The following TBC1D2 variants were observed in gnomAD, a reference collection of about 807,000 sequenced individuals.
TBC1D2 encodes the protein TBC1 domain family member 2A.
In TBC1D2, 58 loss-of-function variants were observed where a neutral mutation model predicts 91.1. The observed-to-expected ratio is 0.64, with a 90% CI of 0.52 to 0.79. The LOEUF (loss-of-function observed/expected upper bound fraction) is 0.79, where lower values mean the gene tolerates loss of function less well. Among genes scored for constraint, TBC1D2 ranks in the 30% least tolerant of loss-of-function variants. The pLI is 0.00. For synonymous variants in TBC1D2, 482 were observed against 511.5 expected (o/e 0.94, Z 0.78); for missense variants, 1,080 against 1,208.3 (o/e 0.89, Z 1.57).
chr9:98,250,187 C>T (rs1371175809), intron 2 of TBC1D2, among the ~76,000 whole-genome samples: 1 of 152,064 alleles, frequency 6.6e-6, no homozygotes, highest in Non-Finnish European at 1.5e-5. Flanking sequence ...CAAGAATTTG[C>T]CAGGCAAAGG....
intron 3 of TBC1D2, among the ~76,000 whole-genome samples, chr9:98,234,429 A>T (rs1829451735): frequency 1.3e-5 from 2 of 152,234 alleles, no homozygotes; most frequent in African/African-American, 4.8e-5. Flanking sequence ...AAGATTAATG[A>T]CAGGGAGGGA....
chr9:98,235,551 C>G, intron 3 of TBC1D2: 1 of 454,242 alleles, frequency 2.2e-6, no homozygotes, highest in Non-Finnish European at 4.3e-6. Context: ...ATTCGACATT[C>G]AAAATCTAGA....
chr9:98,249,032 G>A (rs985637459), intron 2 of TBC1D2, among the ~76,000 whole-genome samples: 30 of 152,228 alleles, frequency 2.0e-4, no homozygotes, highest in African/African-American at 6.7e-4. Context: ...ACATGGGAGC[G>A]GGCCGCTGCT....
chr9:98,221,270 C>CCTG, intron 5 of TBC1D2, 42 bp from the exon 6 acceptor site: 1 of 1,492,404 alleles, frequency 6.7e-7, no homozygotes. Context: ...TCAGGGAGGG[C>CCTG]CTGCTGGGCG....
chr9:98,216,358 G>A (rs1324364013), intron 6 of TBC1D2, among the ~76,000 whole-genome samples: 1 of 147,976 alleles, frequency 6.8e-6, no homozygotes, highest in Non-Finnish European at 1.5e-5. Context: ...TCCAATGCCC[G>A]GGAAAATACA....
intron 5 of TBC1D2, among the ~76,000 whole-genome samples, chr9:98,223,085 T>A (rs56115645): frequency 0.071 from 10,793 of 152,124 alleles, 416 homozygotes; most frequent in East Asian, 0.12. Flanking sequence ...CAAAGGCTGG[T>A]GGGAATGAAC....
chr9:98,203,877 C>T (rs1828578349), intron 9 of TBC1D2, among the ~76,000 whole-genome samples: 1 of 152,188 alleles, frequency 6.6e-6, no homozygotes, highest in Non-Finnish European at 1.5e-5. Flanking sequence ...ACACTAACCT[C>T]TCTGGGCCTT....
chr9:98,226,444 C>G (rs1001356243), intron 5 of TBC1D2, among the ~76,000 whole-genome samples: 1 of 152,190 alleles, frequency 6.6e-6, no homozygotes, highest in Non-Finnish European at 1.5e-5. Flanking sequence ...GTGCCAGGTA[C>G]TGGGCTTTAT....
In TBC1D2 at chr9:98,201,488, C is replaced by T; in HGVS notation, c.2448G>A (p.Glu816=). 1.2e-6 allele frequency: 2 copies of T among 1,613,816 alleles called. No homozygotes were observed. The change falls in exon 11 of 13, where the codon GAG becomes GAA. Residue 816 remains glutamate, a synonymous_variant. Transcript: ENST00000465784. ...CCTGGCTGCACCCTACCTTCGTCCC[C>T]TCGTACAGGAAGGCATCCCAGACCC... ...LLRVWDAFLY[E]GTKVVFRYAL...
intron 4 of TBC1D2, among the ~76,000 whole-genome samples, 181 bp downstream of exon 4, chr9:98,233,235 C>T (rs1164753168): frequency 6.6e-6 from 1 of 152,256 alleles, no homozygotes; most frequent in South Asian, 2.1e-4. Context: ...TTCCACACAA[C>T]TGTGAGAAAT....
chr9:98,200,964 G>A (rs1157504744), intron 11 of TBC1D2, among the ~76,000 whole-genome samples: 4 of 151,556 alleles, frequency 2.6e-5, no homozygotes, highest in Admixed American at 6.6e-5. Flanking sequence ...TGCAGTGAGC[G>A]GAGATCGTGC....
At chr9:98,202,808 T>A (rs1025975590) in intron 10 of TBC1D2, among the ~76,000 whole-genome samples, 1 of 152,254 alleles carries the variant, frequency 6.6e-6, no homozygotes, top group African/African-American at 2.4e-5. Flanking sequence ...GATGTTAAGA[T>A]GTAAAAATTA....
chr9:98,241,275 T>C lies in TBC1D2; in HGVS notation c.647+2719A>G, dbSNP rs144116464. Among the ~76,000 whole-genome samples the C allele has an allele frequency of 4.9e-3, 742 of 152,328 alleles. 5 individuals are homozygous for C. The highest frequency in any genetic ancestry group is 7.5e-3 in the Non-Finnish European group (510 of 68,018). On this transcript the variant is annotated intron_variant, in intron 3 of 12. Transcript: ENST00000465784. ...ATGTCTAACTCCATGGTTTGAGGAC[T>C]TAACCATGTGATGATACCACTTCAC...
intron 5 of TBC1D2, among the ~76,000 whole-genome samples, chr9:98,224,491 C>T (rs888908553): frequency 2.9e-4 from 44 of 151,840 alleles, no homozygotes; most frequent in African/African-American, 7.5e-4. Flanking sequence ...CTATGTTGTT[C>T]GGGGTGGTCT....
rs573723711 is a variant in TBC1D2, at chr9:98,244,038, A to AG, written c.602dup (p.Ala202CysfsTer13). On this transcript the variant is annotated frameshift_variant, in exon 3 of 13. Coordinates refer to ENST00000465784, the MANE Select transcript of TBC1D2 (RefSeq NM_001267571.2). LOFTEE classifies it high-confidence loss of function. ...GCTTGAGGGAAATATTCTGAAGGGC[A>AG]GGGAAGGGCTGCAAGGCAGCTGCCA... The AG allele has an allele frequency of 1.2e-4, 193 of 1,611,558 alleles. 2 individuals carry two copies. The South Asian group carries it at 1.3e-3, about 11-fold the overall frequency.
intron 11 of TBC1D2, among the ~76,000 whole-genome samples, chr9:98,200,654 G>A (rs1451594890): frequency 1.3e-5 from 2 of 152,222 alleles, no homozygotes; most frequent in Non-Finnish European, 2.9e-5. Flanking sequence ...GACTGTGGGT[G>A]AGGCACGGCC....
chr9:98,227,142 A>G (rs2119113269), intron 5 of TBC1D2, among the ~76,000 whole-genome samples: 1 of 152,360 alleles, frequency 6.6e-6, no homozygotes, highest in East Asian at 1.9e-4. Flanking sequence ...AGGAGCGTCC[A>G]GCAGCCTCAG....
At chr9:98,227,494 C>T (rs943831653) in intron 5 of TBC1D2, among the ~76,000 whole-genome samples, 1 of 152,132 alleles carries the variant, frequency 6.6e-6, no homozygotes, top group African/African-American at 2.4e-5. Context: ...CGGTGGCTCA[C>T]GCCTGTAATC....
intron 9 of TBC1D2, among the ~76,000 whole-genome samples, chr9:98,206,417 C>T (rs373823277): frequency 2.8e-4 from 43 of 152,336 alleles, no homozygotes; most frequent in African/African-American, 8.7e-4. Context: ...GTCCCTTCTG[C>T]GCCTCTCTGT....
Sources: allele counts gnomAD v4.1 joint callset (sites outside exome capture counted in the v4.1 genomes callset), GRCh38; gene constraint gnomAD v4.1.1; transcripts MANE v1.5; gene names NCBI Gene and HGNC (gene_info 2026-07-23, HGNC 2026-07-21).